Variants in ANXA8 observed in about 807,000 individuals in gnomAD.
ANXA8 encodes the protein VAC-beta.
A neutral mutation model predicts 26.8 loss-of-function variants in ANXA8; 9 were observed. That is an observed-to-expected ratio of 0.34 (90% CI 0.20 to 0.59). The LOEUF (loss-of-function observed/expected upper bound fraction) is 0.59. Ranked by LOEUF, ANXA8 falls within the 20% of genes least tolerant of loss-of-function variation. ANXA8 has a pLI of 0.84. For missense variants in ANXA8, 83 were observed against 238.5 expected, an observed-to-expected ratio of 0.35 and a Z score of 4.29; for synonymous variants, 39 against 94.8, an observed-to-expected ratio of 0.41 and a Z score of 3.42.
At chr10:47,626,455 C>T in the ANXA8 span, among the ~76,000 whole-genome samples, 22 of 150,130 alleles carry the variant, frequency 1.5e-4, no homozygotes, top group East Asian at 4.2e-3. Context: ...GACAGATATC[C>T]CATATATTGT....
At chr10:47,768,755 C>T in the ANXA8 span, among the ~76,000 whole-genome samples, 12 of 151,816 alleles carry the variant, frequency 7.9e-5, no homozygotes, top group Admixed American at 3.9e-4. Flanking sequence ...GGGAGGCAGA[C>T]GGACTGCTGG....
At chr10:47,755,206 C>G in the ANXA8 span, among the ~76,000 whole-genome samples, 2 of 151,560 alleles carry the variant, frequency 1.3e-5, no homozygotes, top group Non-Finnish European at 2.9e-5. Flanking sequence ...CCACCCCTCT[C>G]GGTCTCCCAA....
At chr10:47,506,337 TTC>T in the ANXA8 span, among the ~76,000 whole-genome samples, 1 of 138,316 alleles carries the variant, frequency 7.2e-6, no homozygotes, top group Admixed American at 7.4e-5. Flanking sequence ...TTGCTTCTTT[TTC>T]TCTTTTTTTG....
At chr10:47,492,714 CT>C in the ANXA8 span, among the ~76,000 whole-genome samples, 1 of 139,788 alleles carries the variant, frequency 7.2e-6, no homozygotes, top group South Asian at 2.2e-4. Context: ...TTGAGGTGCC[CT>C]TTGGCAGTGA....
chr10:47,651,303 A>G, the ANXA8 span, among the ~76,000 whole-genome samples: 1 of 151,264 alleles, frequency 6.6e-6, no homozygotes, highest in Admixed American at 6.6e-5. Context: ...AAAAACCCAA[A>G]AAACAAAACC....
chr10:47,660,800 C>G, the ANXA8 span, among the ~76,000 whole-genome samples: 1 of 131,146 alleles, frequency 7.6e-6, no homozygotes, highest in Non-Finnish European at 1.6e-5. Context: ...TCTTTCTCCA[C>G]TGACTGTCAA....
the ANXA8 span, among the ~76,000 whole-genome samples, chr10:47,557,003 CTTTTTTTTTTTTTTT>C: frequency 1.8e-5 from 2 of 113,436 alleles, no homozygotes; most frequent in South Asian, 5.7e-4. Context: ...TATTTTCTTT[CTTTTTTTTTTTTTTT>C]TTTTTTGAGA....
At chr10:47,552,753 G>A in the ANXA8 span, among the ~76,000 whole-genome samples, 3 of 151,816 alleles carry the variant, frequency 2.0e-5, no homozygotes, top group Non-Finnish European at 4.4e-5. Flanking sequence ...AAAAAGCGGG[G>A]CAGGGTACCA....
the ANXA8 span, among the ~76,000 whole-genome samples, chr10:47,761,834 AGAG>A: frequency 8.3e-6 from 1 of 120,208 alleles, no homozygotes; most frequent in African/African-American, 3.0e-5. Context: ...GCCAGCTCTC[AGAG>A]GAGAAGCCGT....
chr10:47,711,154 C>G, the ANXA8 span, among the ~76,000 whole-genome samples: 1,862 of 142,196 alleles, frequency 0.013, 1 homozygote, highest in Non-Finnish European at 0.022. Context: ...ATTACAGTTT[C>G]ATATTTTTAT....
chr10:47,985,665 A>G, the ANXA8 span: 24 of 133,642 alleles, frequency 1.8e-4, no homozygotes, highest in African/African-American at 5.5e-4. Context: ...AGCACCCCCA[A>G]AAAGTTATTT....
At chr10:47,581,076 AAAAC>A in the ANXA8 span, 22 of 200,334 alleles carry the variant, frequency 1.1e-4, no homozygotes, top group East Asian at 2.3e-3. Flanking sequence ...GCTCTGTCTC[AAAAC>A]AAACAAACAA....
chr10:47,564,692 C>T, the ANXA8 span: 9 of 538,156 alleles, frequency 1.7e-5, 1 homozygote, highest in East Asian at 2.6e-4. Context: ...TGCTGCCCTG[C>T]TACCCATGAG....
At chr10:47,668,963 G>A in the ANXA8 span, among the ~76,000 whole-genome samples, 1 of 151,784 alleles carries the variant, frequency 6.6e-6, no homozygotes. Flanking sequence ...CTGTCTGGTG[G>A]GAGGAGGTCT....
chr10:47,930,214 CCTGG>C, the ANXA8 span, among the ~76,000 whole-genome samples: 1 of 150,236 alleles, frequency 6.7e-6, no homozygotes, highest in East Asian at 2.0e-4. Flanking sequence ...AGATTAATTT[CCTGG>C]CTGGGCATGG....
chr10:47,724,578 G>T, the ANXA8 span, among the ~76,000 whole-genome samples: 2 of 141,752 alleles, frequency 1.4e-5, no homozygotes, highest in Admixed American at 7.1e-5. Flanking sequence ...TATCAGAGAG[G>T]CCTTTCCTAA....
chr10:47,743,371 C>CAT, the ANXA8 span, among the ~76,000 whole-genome samples: 7,125 of 47,008 alleles, frequency 0.15, 490 homozygotes, highest in African/African-American at 0.32. Flanking sequence ...TATATATATA[C>CAT]ATATATATGT....
the ANXA8 span, among the ~76,000 whole-genome samples, chr10:47,540,506 T>C: frequency 8.3e-6 from 1 of 121,030 alleles, no homozygotes; most frequent in Non-Finnish European, 1.7e-5. Context: ...TCTGGAAAGC[T>C]GATTAATTTC....
chr10:47,581,296 T>C, the ANXA8 span: 3 of 503,786 alleles, frequency 6.0e-6, no homozygotes, highest in Non-Finnish European at 7.8e-6. Flanking sequence ...CCTGGAACTG[T>C]TTCCCGTTCC....
Sources: gnomAD v4.1 joint callset for allele counts (sites outside exome capture counted in the v4.1 genomes callset) on GRCh38, gnomAD v4.1.1 for gene constraint, MANE v1.5 for transcripts, NCBI Gene and HGNC (gene_info 2026-07-23, HGNC 2026-07-21) for gene names.